The following TLE6 variants were observed in gnomAD, a reference collection of about 807,000 sequenced individuals.
The protein encoded by TLE6 is TLE family member 6, subcortical maternal complex member, also known as transducin-like enhancer protein 6.
TLE6 carries 72 observed loss-of-function variants against 77.1 expected under a neutral mutation model. That is an observed-to-expected ratio of 0.93 (90% CI 0.77 to 1.14). The LOEUF is 1.14. TLE6 is among the 50% of genes most tolerant of loss of function. TLE6 has a pLI of 0.00. For missense variants in TLE6, 843 were observed against 747.6 expected, an observed-to-expected ratio of 1.13 and a Z score of -1.49; for synonymous variants, 366 against 287.3, an observed-to-expected ratio of 1.27 and a Z score of -2.77.
At chr19:2,986,931 TG>T in intron 6 of TLE6, 40 bp downstream of exon 6, 1 of 1,554,068 alleles carries the variant, frequency 6.4e-7, no homozygotes, top group East Asian at 2.4e-5. Context: ...GGGACAGGCT[TG>T]GGTGAAGGCT....
At position 2,987,888 on chromosome 19, in the gene TLE6, T is replaced by TC; in HGVS notation, c.626-6dup. The TC allele has an allele frequency of 1.2e-6, 2 of 1,610,560 alleles. No individual in the cohort carries two copies. The highest frequency in any genetic ancestry group is 1.3e-5 in the African/African-American group (1 of 74,920). On this transcript the variant is annotated splice_polypyrimidine_tract_variant and intron_variant, in intron 9 of 16. Coordinates refer to ENST00000246112, the MANE Select transcript of TLE6 (RefSeq NM_001143986.2). The stretch of plus-strand genomic sequence containing the variant: ...TGCAAGCCGCTTAGCCCCTCTTGTC[T>TC]CCCCACTAGCCCCCAGGCCACCTGA...
chr19:2,987,497 C>G (rs1331226572), intron 8 of TLE6, 125 bp downstream of exon 8: 3 of 1,429,072 alleles, frequency 2.1e-6, no homozygotes, highest in Non-Finnish European at 2.9e-6. Context: ...CCTCGGGTCC[C>G]CCGGGGGGGA....
At position 2,989,301 on chromosome 19, in the gene TLE6, C is replaced by A; in HGVS notation, c.981C>A (p.His327Gln). Residue 327 changes from histidine to glutamine, a missense_variant, in exon 12 of 17, where the codon CAC becomes CAA. Physicochemically the swap from His to Gln is conservative, Grantham distance 24. Coordinates refer to ENST00000246112, the MANE Select transcript of TLE6 (RefSeq NM_001143986.2). Reference protein sequence around the residue: ...QVAEDRFPESHLPIQTPGAFL... With the variant: ...QVAEDRFPESQLPIQTPGAFL... ...CTGAGGACAGGTTCCCTGAGAGCCA[C>A]CTGCCTATACAGGTGAGGACGGCCT... 1 of 1,613,274 alleles carries A rather than the reference C, an allele frequency of 6.2e-7. No homozygotes were observed. The highest frequency in any genetic ancestry group is 1.1e-5 in the South Asian group (1 of 91,082).
At position 2,987,017 on chromosome 19, in the gene TLE6, C is replaced by T; in HGVS notation, c.320C>T (p.Pro107Leu). The T allele has an allele frequency of 3.1e-6, 5 of 1,613,498 alleles. No individual in the cohort carries two copies. The highest frequency in any genetic ancestry group is 4.2e-6 in the Non-Finnish European group (5 of 1,179,582). The change falls in exon 7 of 17, where the codon CCC becomes CTC. Residue 107 changes from proline to leucine, a missense_variant. Pro to Leu is a moderately conservative substitution (Grantham distance 98). Coordinates refer to ENST00000246112, the MANE Select transcript of TLE6 (RefSeq NM_001143986.2). ...GCTGAACCAGCCAGCCCTGGGACGC[C>T]CCAGCAGGTGAAGGACAAGACCCTG... ...SPAEPASPGT[P>L]QQVKDKTLQE...
chr19:2,988,020 G>C, intron 10 of TLE6, 46 bp downstream of exon 10: 1 of 1,585,942 alleles, frequency 6.3e-7, no homozygotes. Flanking sequence ...AGGCTGCCCA[G>C]GGTGGGGTAG....
intron 5 of TLE6, among the ~76,000 whole-genome samples, chr19:2,983,080 G>A (rs1599153487): frequency 6.6e-6 from 1 of 152,126 alleles, no homozygotes; most frequent in Admixed American, 6.5e-5. Flanking sequence ...AGGATTTTCC[G>A]CCTGTGCCAG....
intron 5 of TLE6, among the ~76,000 whole-genome samples, chr19:2,985,901 C>G (rs1372465088): frequency 6.7e-6 from 1 of 148,844 alleles, no homozygotes; most frequent in African/African-American, 2.5e-5. Flanking sequence ...CATGGTGAAA[C>G]CCTGTCTCCA....
At position 2,987,979 on chromosome 19, in the gene TLE6, G is replaced by A; in HGVS notation, c.702+5G>A. 1 of 1,609,632 alleles carries A rather than the reference G, an allele frequency of 6.2e-7. No individual in the cohort carries two copies. Among genetic ancestry groups the A allele is most frequent in the Non-Finnish European group, 8.5e-7 (1 of 1,177,870 alleles). ...ACAAGTTGGGGTGTGGTCCAGGTGA[G>A]ACCCAGGCCCGAGCTGGTAGCCCAG... On this transcript the variant is annotated splice_donor_5th_base_variant and intron_variant, in intron 10 of 16. Coordinates refer to ENST00000246112, the MANE Select transcript of TLE6 (RefSeq NM_001143986.2).
chr19:2,983,798 A>C (rs1328493955), intron 5 of TLE6: 3 of 152,864 alleles, frequency 2.0e-5, no homozygotes, highest in African/African-American at 7.2e-5. Context: ...CCCGGGAACC[A>C]GTTAGGACAG....
chr19:2,993,556 T>G lies in TLE6; in HGVS notation c.1511T>G (p.Ile504Ser). 1 of 1,579,720 alleles carries G rather than the reference T, an allele frequency of 6.3e-7. No individual in the cohort carries two copies. The highest frequency in any genetic ancestry group is 8.7e-7 in the Non-Finnish European group (1 of 1,156,002). ...RHMVGQKDSV[I>S]LSVKFSPFGQ... The stretch of plus-strand genomic sequence containing the variant: ...ATGGTGGGGCAAAAAGACAGCGTCA[T>G]CCTGAGCGTCAAGTTCTCCCCCTTT... Residue 504 changes from isoleucine to serine, a missense_variant, in exon 15 of 17, where the codon ATC (isoleucine) becomes AGC (serine). By Grantham distance (142) the Ile-to-Ser change is moderately radical (BLOSUM62 -2). Transcript: ENST00000246112.
intron 11 of TLE6, 131 bp downstream of exon 11, chr19:2,988,259 C>T (rs2088962374): frequency 2.0e-6 from 2 of 1,006,954 alleles, no homozygotes; most frequent in African/African-American, 1.6e-5. Context: ...CCCATCACTA[C>T]TCTGCCATCC....
chr19:2,982,823 G>A (rs1171442723), intron 5 of TLE6, among the ~76,000 whole-genome samples: 2 of 152,168 alleles, frequency 1.3e-5, no homozygotes, highest in Admixed American at 6.6e-5. Context: ...GCGCAACCTA[G>A]ATGACCCTTT....
intron 11 of TLE6, 140 bp downstream of exon 11, chr19:2,988,268 C>T (rs904833652): frequency 4.1e-6 from 4 of 983,486 alleles, no homozygotes; most frequent in Middle Eastern, 3.2e-4. Flanking sequence ...ACTCTGCCAT[C>T]CTCTCCAACA....
intron 14 of TLE6, among the ~76,000 whole-genome samples, chr19:2,992,443 G>C (rs1161407056): frequency 3.3e-5 from 5 of 152,130 alleles, no homozygotes; most frequent in Non-Finnish European, 7.4e-5. Context: ...TTGCACTCCA[G>C]GCTGCGCAAT....
At chr19:2,980,438 T>G (rs2088774969) in intron 3 of TLE6, 1 of 320,464 alleles carries the variant, frequency 3.1e-6, no homozygotes, top group African/African-American at 2.2e-5. Flanking sequence ...ATTTTATTGT[T>G]GAAAAATACT....
At chr19:2,990,651 AAATACATAAATATATACATAAATAT>A (rs2089026784) in intron 13 of TLE6, among the ~76,000 whole-genome samples, 1 of 69,572 alleles carries the variant, frequency 1.4e-5, no homozygotes, top group African/African-American at 1.5e-4. Context: ...ATATATATAT[AAATACATAAATATATACATAAATAT>A]ATACATAAAT....
At chr19:2,991,393 TATACACACACAC>T (rs1158164440) in intron 13 of TLE6, among the ~76,000 whole-genome samples, 17 of 110,056 alleles carry the variant, frequency 1.5e-4, no homozygotes, top group Middle Eastern at 4.6e-3. Context: ...TATATATATA[TATACACACACAC>T]ACACACACAC....
intron 3 of TLE6, 51 bp from the exon 4 acceptor site, chr19:2,981,487 G>T: frequency 6.5e-7 from 1 of 1,543,928 alleles, no homozygotes; most frequent in South Asian, 1.2e-5. Context: ...TCACTCTGGG[G>T]AGGGAGTCCT....
rs1257130420 is a variant in TLE6, at chr19:2,989,277, T to G, written c.957T>G (p.Ala319=). 1.2e-6 allele frequency: 2 copies of G among 1,613,488 alleles called. No homozygotes were observed. Among genetic ancestry groups the G allele is most frequent in the Non-Finnish European group, 1.7e-6 (2 of 1,180,028 alleles). The stretch of plus-strand genomic sequence containing the variant: ...TGTGGAGCCTGACTGGACAGGTGGC[T>G]GAGGACAGGTTCCCTGAGAGCCACC... ...IKVWSLTGQV[A]EDRFPESHLP... The change falls in exon 12 of 17, where the codon GCT becomes GCG. Residue 319 remains alanine, a synonymous_variant. Coordinates refer to ENST00000246112, the MANE Select transcript of TLE6 (RefSeq NM_001143986.2).
Sources: gnomAD v4.1 joint callset for allele counts (sites outside exome capture counted in the v4.1 genomes callset) on GRCh38, gnomAD v4.1.1 for gene constraint, MANE v1.5 for transcripts, NCBI Gene and HGNC (gene_info 2026-07-23, HGNC 2026-07-21) for gene names.